Variants in CDH4 observed in about 807,000 individuals in gnomAD.
CDH4 encodes the protein cadherin-4.
Under a neutral mutation model 86.0 loss-of-function variants are expected in CDH4, and 33 were observed. That is an observed-to-expected ratio of 0.38 (90% confidence interval 0.29 to 0.51). The LOEUF is 0.51. Among genes scored for constraint, CDH4 ranks in the 20% least tolerant of loss-of-function variants. The pLI is 0.86. For missense variants in CDH4, 1,114 were observed against 1,307.4 expected (o/e 0.85, Z 2.28); for synonymous variants, 555 against 549.4 (o/e 1.01, Z -0.14).
At position 61,637,865 on chromosome 20, in the gene CDH4, C is replaced by T. The variant is rs192276838; in HGVS notation, c.170-105698C>T. Reference sequence around the variant, plus strand: ...GTGAAACCCCATCTCTACTAAAAATCCAAAAATTAGCCGGACATGGTGGTG... The same window carrying T: ...GTGAAACCCCATCTCTACTAAAAATTCAAAAATTAGCCGGACATGGTGGTG... On this transcript the variant is annotated intron_variant, in intron 2 of 15. Transcript: ENST00000614565. 2.0e-3 allele frequency among the ~76,000 whole-genome samples: 311 copies of T among 151,948 alleles called. 2 individuals carry two copies. Among genetic ancestry groups the T allele is most frequent in the Admixed American group, 3.9e-3 (60 of 15,258 alleles).
At chr20:61,568,764 G>C (rs1004715624) in intron 2 of CDH4, among the ~76,000 whole-genome samples, 1 of 152,160 alleles carries the variant, frequency 6.6e-6, no homozygotes, top group Non-Finnish European at 1.5e-5. Context: ...TCCAGCCTTA[G>C]GCTTGAGCTG....
At chr20:61,713,220 C>A (rs1339727582) in intron 2 of CDH4, among the ~76,000 whole-genome samples, 4 of 152,208 alleles carry the variant, frequency 2.6e-5, no homozygotes, top group African/African-American at 9.7e-5. Flanking sequence ...TGTGTCCTGA[C>A]CCCTGCATGT....
chr20:61,545,036 C>T (rs1170790833), intron 2 of CDH4, among the ~76,000 whole-genome samples: 1 of 152,202 alleles, frequency 6.6e-6, no homozygotes, highest in African/African-American at 2.4e-5. Flanking sequence ...TCCTTGGGCC[C>T]TCTCAGATGG....
rs8114996 is a variant in CDH4, at chr20:61,393,773, G to A, written c.169+138836G>A. Among the ~76,000 whole-genome samples the A allele has an allele frequency of 0.085, 12,950 of 151,852 alleles. 1,535 individuals are homozygous for A. The highest frequency in any genetic ancestry group is 0.27 in the African/African-American group (11,055 of 41,322). On this transcript the variant is annotated intron_variant, in intron 2 of 15. Transcript: ENST00000614565. This position sits in a 1 kb window ranked among gnomAD's most constrained non-coding sequence, Gnocchi z 4.3. ...GAGGATTACACGAGTCCTGGAGACCGTGCAGTGAACTCTTACACCCCAGGG... is the reference window on the plus strand; with the variant it reads ...GAGGATTACACGAGTCCTGGAGACCATGCAGTGAACTCTTACACCCCAGGG...
At chr20:61,468,203 C>A (rs1021355063) in intron 2 of CDH4, among the ~76,000 whole-genome samples, 1 of 152,118 alleles carries the variant, frequency 6.6e-6, no homozygotes, top group Non-Finnish European at 1.5e-5. Flanking sequence ...TTCTGTATGA[C>A]CCAAACCTCC....
intron 2 of CDH4, among the ~76,000 whole-genome samples, chr20:61,350,694 C>G (rs2084706962): frequency 7.9e-6 from 1 of 126,658 alleles, no homozygotes; most frequent in Non-Finnish European, 1.6e-5. Context: ...TTGCCTCTCC[C>G]ACCCAGCATC....
intron 15 of CDH4, 54 bp from the exon 16 acceptor site, chr20:61,936,683 C>T: frequency 7.1e-7 from 1 of 1,407,928 alleles, no homozygotes. Flanking sequence ...TCCATCTGAT[C>T]CCGGGGCTGA....
intron 7 of CDH4, among the ~76,000 whole-genome samples, chr20:61,877,279 A>G (rs1324459370): frequency 6.6e-6 from 1 of 151,578 alleles, no homozygotes; most frequent in East Asian, 1.9e-4. Flanking sequence ...CGGCAGCTGG[A>G]CCCCCTGCCC....
rs528733360 is a variant in CDH4 at position 61,832,558 on chromosome 20, C to T, written c.577-12110C>T. Among the ~76,000 whole-genome samples, 21 of 152,226 alleles carry T rather than the reference C, an allele frequency of 1.4e-4. No individual in the cohort carries two copies. In the South Asian group the frequency reaches 2.1e-3, roughly 15 times the overall value. ...AGAAACTGACAATCAGGGCAGAAGGCGAAGGGGAAGCAAGGACCTTCTTCA... is the reference window on the plus strand; with the variant it reads ...AGAAACTGACAATCAGGGCAGAAGGTGAAGGGGAAGCAAGGACCTTCTTCA... On this transcript the variant is annotated intron_variant, in intron 4 of 15. Coordinates refer to ENST00000614565, the MANE Select transcript of CDH4 (RefSeq NM_001794.5).
chr20:61,451,601 G>A (rs911879233), intron 2 of CDH4, among the ~76,000 whole-genome samples: 7 of 152,066 alleles, frequency 4.6e-5, no homozygotes, highest in African/African-American at 7.2e-5. Flanking sequence ...GAAGATCGCC[G>A]GAGCCCTGAG....
At chr20:61,431,409 G>A (rs1368682324) in intron 2 of CDH4, among the ~76,000 whole-genome samples, 1 of 149,046 alleles carries the variant, frequency 6.7e-6, no homozygotes, top group Non-Finnish European at 1.5e-5. Flanking sequence ...GCCCAGGCTG[G>A]AGTGTAGTTT....
intron 2 of CDH4, among the ~76,000 whole-genome samples, chr20:61,342,159 C>T (rs1036995252): frequency 6.6e-6 from 1 of 152,132 alleles, no homozygotes; most frequent in Admixed American, 6.5e-5. Context: ...CTTAGACCAG[C>T]GGTCCTCCAC....
chr20:61,844,347 G>T (rs922577087), intron 4 of CDH4, among the ~76,000 whole-genome samples: 3 of 152,010 alleles, frequency 2.0e-5, no homozygotes, highest in Non-Finnish European at 4.4e-5. Context: ...TGGGTTTGAT[G>T]TCAGAACACG....
chr20:61,643,282 C>T (rs139019499), intron 2 of CDH4, among the ~76,000 whole-genome samples: 1 of 152,176 alleles, frequency 6.6e-6, no homozygotes, highest in East Asian at 1.9e-4. Context: ...CTGTGATAAC[C>T]TATTAGTCTG....
chr20:61,852,461 C>G (rs1042735627), intron 5 of CDH4, among the ~76,000 whole-genome samples: 1 of 152,234 alleles, frequency 6.6e-6, no homozygotes, highest in Non-Finnish European at 1.5e-5. Context: ...ACGGAACAGT[C>G]GGGCAGGCAT....
chr20:61,429,990 A>T (rs1186125868), intron 2 of CDH4, among the ~76,000 whole-genome samples: 1 of 152,226 alleles, frequency 6.6e-6, no homozygotes, highest in Non-Finnish European at 1.5e-5. Flanking sequence ...CATGCTTCTC[A>T]CCTGGAGATG....
In CDH4 at chr20:61,940,467, GAAA is replaced by G. The variant is rs1041188441; in HGVS notation, c.*3531_*3533del. ...ATCATTTTGTACCAAAAAAAAAAAGGAAAAAAAAAGGGAAGAGAGTTGATGTTT... is the reference window on the plus strand; with the variant it reads ...ATCATTTTGTACCAAAAAAAAAAAGGAAAAAAGGGAAGAGAGTTGATGTTT... On this transcript the variant is annotated 3_prime_UTR_variant, in exon 16 of 16. Transcript: ENST00000614565. 14 of 150,018 alleles carry G rather than the reference GAAA, an allele frequency of 9.3e-5. No individual in the cohort carries two copies. Among genetic ancestry groups the G allele is most frequent in the African/African-American group, 3.4e-4 (14 of 40,766 alleles). 9.3% of individuals were successfully genotyped at this position (150,018 alleles called of 1,614,324 possible). A position where few individuals can be genotyped will look rare whatever the true frequency, so the allele number is the denominator to read the frequency against.
At chr20:61,929,123 C>G (rs1328630660) in intron 12 of CDH4, among the ~76,000 whole-genome samples, 1 of 150,748 alleles carries the variant, frequency 6.6e-6, no homozygotes, top group Non-Finnish European at 1.5e-5. Flanking sequence ...CTTCATCCTA[C>G]ATGTTGCAAT....
At chr20:61,600,640 C>T (rs1401079331) in intron 2 of CDH4, among the ~76,000 whole-genome samples, 1 of 152,174 alleles carries the variant, frequency 6.6e-6, no homozygotes, top group Non-Finnish European at 1.5e-5. Flanking sequence ...ATTCCAGGCC[C>T]GCCCCCAGGG....
Sources: gnomAD v4.1 joint callset for allele counts (sites outside exome capture counted in the v4.1 genomes callset) on GRCh38, gnomAD v4.1.1 for gene constraint, Gnocchi (gnomAD v3.1) non-coding constraint, MANE v1.5 for transcripts, NCBI Gene and HGNC (gene_info 2026-07-23, HGNC 2026-07-21) for gene names.